Variants in MCTP1 observed in about 807,000 individuals in gnomAD.
The protein encoded by MCTP1 is multiple C2 and transmembrane domain containing 1.
Under a neutral mutation model 120.6 loss-of-function variants are expected in MCTP1, and 69 were observed. The ratio of observed to expected loss-of-function variants is 0.57; its 90% confidence interval spans 0.47 to 0.70. The LOEUF is 0.70. Ranked by LOEUF, MCTP1 falls within the 30% of genes least tolerant of loss-of-function variation. MCTP1 has a pLI of 0.00. For synonymous variants in MCTP1, 529 were observed against 493.1 expected (o/e 1.07, Z -0.96); for missense variants, 1,203 against 1,248.8 (o/e 0.96, Z 0.55).
At chr5:94,841,865 C>T (rs569340194) in intron 17 of MCTP1, among the ~76,000 whole-genome samples, 12 of 152,230 alleles carry the variant, frequency 7.9e-5, no homozygotes, top group Non-Finnish European at 1.5e-4. Context: ...GTATGTGCAC[C>T]GTTCTACTGT....
At chr5:94,761,380 C>T (rs936371205) in intron 19 of MCTP1, among the ~76,000 whole-genome samples, 8 of 152,274 alleles carry the variant, frequency 5.3e-5, no homozygotes, top group South Asian at 4.1e-4. Context: ...TTCTTATCTA[C>T]AAGCAAGATA....
chr5:95,220,718 T>C (rs370117485), intron 1 of MCTP1, among the ~76,000 whole-genome samples: 3 of 152,222 alleles, frequency 2.0e-5, no homozygotes, highest in African/African-American at 7.2e-5. Flanking sequence ...GTCATGGCAA[T>C]ATTTTTTTCT....
At chr5:95,209,031 T>G (rs952009813) in intron 1 of MCTP1, among the ~76,000 whole-genome samples, 1 of 152,160 alleles carries the variant, frequency 6.6e-6, no homozygotes, top group South Asian at 2.1e-4. Flanking sequence ...AGACACAACA[T>G]AAACAGACCT....
chr5:94,774,811 C>A (rs897261574), intron 19 of MCTP1, among the ~76,000 whole-genome samples: 1 of 152,208 alleles, frequency 6.6e-6, no homozygotes, highest in Non-Finnish European at 1.5e-5. Context: ...CTTGTGCCTC[C>A]TTTCTTCTTG....
intron 8 of MCTP1, among the ~76,000 whole-genome samples, chr5:94,915,818 G>A (rs1305543151): frequency 4.6e-5 from 7 of 152,040 alleles, no homozygotes; most frequent in Non-Finnish European, 1.5e-5. Context: ...GGTCCTTTAT[G>A]CTTTCACAGA....
chr5:95,166,135 T>C (rs546157478), intron 1 of MCTP1: 1 of 152,348 alleles, frequency 6.6e-6, no homozygotes, highest in South Asian at 2.1e-4. Flanking sequence ...CTTGCTCCCA[T>C]ACGACCAACA....
chr5:94,938,673 T>C (rs1268239230), intron 5 of MCTP1, among the ~76,000 whole-genome samples: 1 of 152,070 alleles, frequency 6.6e-6, no homozygotes, highest in Non-Finnish European at 1.5e-5. Flanking sequence ...GTCTAAGTTC[T>C]ATTGTATCCT....
At chr5:95,030,639 G>A (rs537509002) in intron 1 of MCTP1, among the ~76,000 whole-genome samples, 8 of 152,096 alleles carry the variant, frequency 5.3e-5, no homozygotes, top group Non-Finnish European at 8.8e-5. Flanking sequence ...ATGCACCACA[G>A]TCATACCCTC....
intron 1 of MCTP1, among the ~76,000 whole-genome samples, chr5:95,060,288 CTG>C (rs1246163803): frequency 2.0e-5 from 3 of 152,128 alleles, no homozygotes; most frequent in South Asian, 4.1e-4. Context: ...GCACCTGGCT[CTG>C]TGTTAGCAGG....
At chr5:94,980,062 CT>C (rs1829059603) in intron 2 of MCTP1, among the ~76,000 whole-genome samples, 2 of 151,980 alleles carry the variant, frequency 1.3e-5, no homozygotes, top group South Asian at 4.1e-4. Context: ...AATAATGATG[CT>C]TTATAAGAAT....
chr5:95,273,223 C>T (rs1020098141), intron 1 of MCTP1, among the ~76,000 whole-genome samples: 1 of 152,190 alleles, frequency 6.6e-6, no homozygotes. Context: ...ATCAAAATAG[C>T]GAAATTATTC....
At chr5:94,983,847 T>C (rs1561969541) in intron 2 of MCTP1, among the ~76,000 whole-genome samples, 3 of 152,224 alleles carry the variant, frequency 2.0e-5, no homozygotes, top group African/African-American at 7.2e-5. Flanking sequence ...CAGCCGAAGC[T>C]GAGCAACCTT....
chr5:95,015,689 A>G (rs932018458), intron 2 of MCTP1, among the ~76,000 whole-genome samples: 2 of 152,078 alleles, frequency 1.3e-5, no homozygotes, highest in African/African-American at 2.4e-5. Flanking sequence ...ACATTTTTCC[A>G]TATCAATTTC....
In MCTP1 at chr5:95,284,676, C is replaced by CGGT; in HGVS notation, c.-104_-102dup. ...TCCTCCCGGGTCCCCGCGGCGCTGGCGGTGGCGGCGGCGGCGGCGGCGGGC... is the reference window on the plus strand; with the variant it reads ...TCCTCCCGGGTCCCCGCGGCGCTGGCGGTGGTGGCGGCGGCGGCGGCGGCGGGC... On this transcript the variant is annotated 5_prime_UTR_variant, in exon 1 of 23. Coordinates refer to ENST00000515393, the MANE Select transcript of MCTP1 (RefSeq NM_024717.7). The surrounding 1 kb of genome is among the most constrained non-coding windows in gnomAD (Gnocchi z 5.2). The CGGT allele has an allele frequency of 9.5e-7, 1 of 1,049,954 alleles. No homozygotes were observed. Among genetic ancestry groups the CGGT allele is most frequent in the Non-Finnish European group, 1.3e-6 (1 of 785,410 alleles). The allele number at this position is 1,049,954 out of a possible 1,614,324, so 65.0% of individuals were successfully genotyped here.
chr5:95,265,321 C>T (rs1758796843), intron 1 of MCTP1, among the ~76,000 whole-genome samples: 1 of 152,128 alleles, frequency 6.6e-6, no homozygotes, highest in African/African-American at 2.4e-5. Context: ...AGCAGAGAAT[C>T]GGGCTTCCAG....
chr5:95,242,750 G>T (rs1233508884), intron 1 of MCTP1, among the ~76,000 whole-genome samples: 1 of 152,112 alleles, frequency 6.6e-6, no homozygotes, highest in Non-Finnish European at 1.5e-5. Context: ...AGGGATGAAG[G>T]CAGAGAGAGA....
intron 17 of MCTP1, among the ~76,000 whole-genome samples, chr5:94,865,856 T>A (rs1581102684): frequency 7.7e-6 from 1 of 130,134 alleles, no homozygotes; most frequent in South Asian, 2.3e-4. Flanking sequence ...ACTAACACTA[T>A]CTACTTCATA....
intron 5 of MCTP1, 105 bp from the exon 6 acceptor site, chr5:94,932,096 C>G (rs1461412826): frequency 5.7e-6 from 4 of 699,300 alleles, no homozygotes; most frequent in South Asian, 1.8e-5. Context: ...AAACAGCGAA[C>G]AGTTCCTGCA....
chr5:94,727,393 A>G (rs1172612070), intron 19 of MCTP1, among the ~76,000 whole-genome samples: 1 of 152,184 alleles, frequency 6.6e-6, no homozygotes, highest in Non-Finnish European at 1.5e-5. Flanking sequence ...TCAGCAAACC[A>G]AGGTCTTTAA....
Sources: gnomAD v4.1 joint callset for allele counts (sites outside exome capture counted in the v4.1 genomes callset) on GRCh38, gnomAD v4.1.1 for gene constraint, Gnocchi (gnomAD v3.1) non-coding constraint, MANE v1.5 for transcripts, NCBI Gene and HGNC (gene_info 2026-07-23, HGNC 2026-07-21) for gene names.